The following NBEA variants were observed in gnomAD, a reference collection of about 807,000 sequenced individuals.
NBEA encodes neurobeachin, also known as lysosomal-trafficking regulator 2.
A neutral mutation model predicts 343.4 loss-of-function variants in NBEA; 44 were observed. That is an observed-to-expected ratio of 0.13 (90% CI 0.10 to 0.16). NBEA has a LOEUF of 0.16. Among genes scored for constraint, NBEA ranks in the 10% least tolerant of loss-of-function variants. The pLI is 1.00. For missense variants in NBEA, 2,555 were observed against 3,631.3 expected (o/e 0.70, Z 7.62); for synonymous variants, 1,175 against 1,238.7 (o/e 0.95, Z 1.08).
chr13:35,369,039 T>C lies in NBEA; in HGVS notation c.6179+16716T>C, dbSNP rs150925302. Among the ~76,000 whole-genome samples the C allele has an allele frequency of 2.0e-3, 304 of 151,892 alleles. 1 individual carries two copies. The highest frequency in any genetic ancestry group is 3.8e-3 in the Non-Finnish European group (258 of 67,724). ...TGCCTGCATTTTCTTGTAGTCATTT[T>C]ATAGCTTTGGGTTTTAACATTTAGG... is the stretch of plus-strand genomic sequence containing the variant. On this transcript the variant is annotated intron_variant, in intron 38 of 58. Coordinates refer to ENST00000379939, the MANE Select transcript of NBEA (RefSeq NM_001385012.1).
At chr13:35,528,046 C>T (rs536630549) in intron 41 of NBEA, among the ~76,000 whole-genome samples, 1 of 152,214 alleles carries the variant, frequency 6.6e-6, no homozygotes, top group African/African-American at 2.4e-5. Context: ...CCATTTTGTT[C>T]CCTCTTTCCC....
chr13:35,609,406 TG>T (rs2082409554), intron 48 of NBEA, among the ~76,000 whole-genome samples: 1 of 152,226 alleles, frequency 6.6e-6, no homozygotes, highest in Non-Finnish European at 1.5e-5. Flanking sequence ...AATAAAAGAC[TG>T]AAAGTTTGAG....
rs1240307714 is a variant in NBEA, at chr13:34,984,644, ATT to A, written c.294+41533_294+41534del. Among the ~76,000 whole-genome samples, 6 of 151,076 alleles carry A rather than the reference ATT, an allele frequency of 4.0e-5. No individual in the cohort carries two copies. The East Asian group carries it at 1.2e-3, about 29-fold the overall frequency. Reference sequence around the variant, plus strand: ...ATAAATTATCTTGGGCAGTATGGCCATTTTCACGATATTGATTCTTCATGAGC... The same window carrying A: ...ATAAATTATCTTGGGCAGTATGGCCATTCACGATATTGATTCTTCATGAGC... On this transcript the variant is annotated intron_variant, in intron 1 of 58. Coordinates refer to ENST00000379939, the MANE Select transcript of NBEA (RefSeq NM_001385012.1).
chr13:35,645,631 A>C (rs2084189282), intron 49 of NBEA, among the ~76,000 whole-genome samples: 1 of 152,114 alleles, frequency 6.6e-6, no homozygotes, highest in South Asian at 2.1e-4. Context: ...TTTCAGGGAA[A>C]ATTTTTGAGA....
At chr13:35,493,577 CT>C in intron 41 of NBEA, among the ~76,000 whole-genome samples, 1 of 152,070 alleles carries the variant, frequency 6.6e-6, no homozygotes, top group East Asian at 1.9e-4. Flanking sequence ...AGATACTTTA[CT>C]CTTAAGTGTT....
At chr13:35,211,015 T>A in intron 32 of NBEA, 38 bp from the exon 33 acceptor site, 2 of 1,532,580 alleles carry the variant, frequency 1.3e-6, no homozygotes, top group South Asian at 2.5e-5. Context: ...TTTAAATAAA[T>A]TTATGTTTAA....
chr13:35,352,942 T>C (rs1482011070), intron 38 of NBEA, among the ~76,000 whole-genome samples: 2 of 152,164 alleles, frequency 1.3e-5, no homozygotes, highest in Non-Finnish European at 2.9e-5. Context: ...TTGTTATCTA[T>C]ACAATGAAGT....
chr13:35,535,729 G>C (rs116793146), intron 41 of NBEA, among the ~76,000 whole-genome samples: 143 of 152,264 alleles, frequency 9.4e-4, no homozygotes, highest in African/African-American at 3.4e-3. Flanking sequence ...TGGGAAACTT[G>C]CCTGAAGTTA....
intron 41 of NBEA, among the ~76,000 whole-genome samples, chr13:35,480,250 T>C (rs2076067908): frequency 6.6e-6 from 1 of 152,132 alleles, no homozygotes; most frequent in Non-Finnish European, 1.5e-5. Flanking sequence ...ACCTGCTTAC[T>C]TATATGGGAT....
At position 35,269,517 on chromosome 13, in the gene NBEA, A is replaced by G. The variant is rs1160000927; in HGVS notation, c.5777-20872A>G. Among the ~76,000 whole-genome samples the G allele has an allele frequency of 4.6e-5, 7 of 152,200 alleles. No homozygotes were observed. In the East Asian group the frequency reaches 1.3e-3, roughly 29 times the overall value. On this transcript the variant is annotated intron_variant, in intron 34 of 58. Transcript: ENST00000379939. Reference sequence around the variant, plus strand: ...TGGTCAATATTATAGAGAAGTCAACAGAAGGAAGATTAGGAACAGACCACA... The same window carrying G: ...TGGTCAATATTATAGAGAAGTCAACGGAAGGAAGATTAGGAACAGACCACA...
At chr13:35,568,006 C>A (rs1348466896) in intron 45 of NBEA, among the ~76,000 whole-genome samples, 1 of 152,140 alleles carries the variant, frequency 6.6e-6, no homozygotes, top group East Asian at 1.9e-4. Flanking sequence ...GCTAGTTTCT[C>A]TTGTCCCATT....
At chr13:35,277,026 A>G (rs534191310) in intron 34 of NBEA, among the ~76,000 whole-genome samples, 5 of 152,292 alleles carry the variant, frequency 3.3e-5, no homozygotes, top group African/African-American at 1.2e-4. Flanking sequence ...AACAATAACA[A>G]TGCAACATAA....
At chr13:35,267,079 A>G (rs1472864444) in intron 34 of NBEA, among the ~76,000 whole-genome samples, 2 of 151,950 alleles carry the variant, frequency 1.3e-5, no homozygotes, top group Non-Finnish European at 1.5e-5. Context: ...AAGGTCTTCA[A>G]CCTCATTGCC....
intron 17 of NBEA, among the ~76,000 whole-genome samples, chr13:35,128,875 T>C (rs1053657345): frequency 6.6e-6 from 1 of 152,074 alleles, no homozygotes; most frequent in Non-Finnish European, 1.5e-5. Context: ...TAGCTGATGA[T>C]TTTTTAACCC....
chr13:35,027,944 C>T (rs1387714210), intron 1 of NBEA, among the ~76,000 whole-genome samples: 1 of 151,844 alleles, frequency 6.6e-6, no homozygotes, highest in Non-Finnish European at 1.5e-5. Flanking sequence ...TGTTCATCCT[C>T]CATTTAATTG....
chr13:35,179,777 CA>C (rs1174719436), intron 28 of NBEA: 2 of 984,586 alleles, frequency 2.0e-6, no homozygotes, highest in African/African-American at 3.5e-5. Context: ...ACAGCTTGAG[CA>C]ATGTGTGAAT....
chr13:35,501,045 C>T (rs1030639567), intron 41 of NBEA, among the ~76,000 whole-genome samples: 31 of 151,984 alleles, frequency 2.0e-4, no homozygotes, highest in Non-Finnish European at 4.1e-4. Context: ...GTTGCTGTGC[C>T]CCTTGAGCAA....
At chr13:35,459,379 T>C (rs934209933) in intron 40 of NBEA, among the ~76,000 whole-genome samples, 1 of 152,168 alleles carries the variant, frequency 6.6e-6, no homozygotes, top group African/African-American at 2.4e-5. Context: ...GGCTGACCAT[T>C]TCTGCCTTCC....
At chr13:35,304,572 T>C (rs556578888) in intron 35 of NBEA, among the ~76,000 whole-genome samples, 41 of 152,310 alleles carry the variant, frequency 2.7e-4, no homozygotes, top group African/African-American at 8.9e-4. Flanking sequence ...ATTGCAGTGA[T>C]ACATTTTTAT....
Sources: allele counts gnomAD v4.1 joint callset (sites outside exome capture counted in the v4.1 genomes callset), GRCh38; gene constraint gnomAD v4.1.1; transcripts MANE v1.5; gene names NCBI Gene and HGNC (gene_info 2026-07-23, HGNC 2026-07-21).